Variants in COL12A1 observed in about 807,000 individuals in gnomAD.
COL12A1 encodes the protein collagen alpha-1(XII) chain.
In COL12A1, 114 loss-of-function variants were observed where a neutral mutation model predicts 349.7. The observed-to-expected ratio is 0.33, with a 90% CI of 0.28 to 0.38. COL12A1 has a LOEUF of 0.38. COL12A1 is among the 10% of genes least tolerant of loss of function. COL12A1 has a pLI of 1.00. For missense variants in COL12A1, 3,284 were observed against 3,756.9 expected (o/e 0.87, Z 3.29); for synonymous variants, 1,369 against 1,329.0 (o/e 1.03, Z -0.66).
chr6:75,152,420 T>A lies in COL12A1; in HGVS notation c.3628A>T (p.Ile1210Phe), dbSNP rs1168774808. ...ACGGTTCTAAAATTTGCCCGGCCGATGCTCCATGATCCATCCACCAGCAAC... is the reference window on the plus strand; with the variant it reads ...ACGGTTCTAAAATTTGCCCGGCCGAAGCTCCATGATCCATCCACCAGCAAC... Reference protein sequence around the residue: ...IVLLVDGSWSIGRANFRTVRS... With the variant: ...IVLLVDGSWSFGRANFRTVRS... The change falls in exon 18 of 66, where the codon ATC becomes TTC. Residue 1210 changes from isoleucine (I) to phenylalanine (F), a missense_variant. Transcript: ENST00000322507. The A allele has an allele frequency of 1.2e-6, 2 of 1,613,546 alleles. No individual in the cohort carries two copies. Among genetic ancestry groups the A allele is most frequent in the African/African-American group, 2.7e-5 (2 of 74,888 alleles).
intron 13 of COL12A1, among the ~76,000 whole-genome samples, chr6:75,172,555 AACCT>A (rs1349712632): frequency 6.6e-6 from 1 of 152,230 alleles, no homozygotes; most frequent in Non-Finnish European, 1.5e-5. Context: ...TCTTATGAAC[AACCT>A]ATGCTAAAAG....
intron 16 of COL12A1, among the ~76,000 whole-genome samples, 162 bp downstream of exon 16, chr6:75,155,500 G>A (rs1767707132): frequency 6.6e-6 from 1 of 152,080 alleles, no homozygotes; most frequent in South Asian, 2.1e-4. Flanking sequence ...TTCAACTCCA[G>A]CAGCACCAAG....
chr6:75,182,604 A>G (rs543476129), intron 10 of COL12A1, among the ~76,000 whole-genome samples: 1 of 152,218 alleles, frequency 6.6e-6, no homozygotes, highest in Non-Finnish European at 1.5e-5. Flanking sequence ...AAAATTCCAG[A>G]TGTGACAAAT....
intron 2 of COL12A1, among the ~76,000 whole-genome samples, chr6:75,199,017 A>G (rs2149488432): frequency 6.6e-6 from 1 of 152,364 alleles, no homozygotes; most frequent in East Asian, 1.9e-4. Flanking sequence ...ATGATATAGA[A>G]ATCCATTTCA....
intron 13 of COL12A1, among the ~76,000 whole-genome samples, chr6:75,174,433 G>A (rs533912480): frequency 1.2e-4 from 18 of 152,276 alleles, no homozygotes; most frequent in African/African-American, 3.6e-4. Context: ...GCGGGCGCCT[G>A]TAGTCCCAGC....
intron 40 of COL12A1, 138 bp from the exon 41 acceptor site, chr6:75,124,509 T>C (rs976442609): frequency 1.2e-5 from 7 of 576,506 alleles, no homozygotes; most frequent in Non-Finnish European, 2.1e-5. Context: ...ATAAGAAACA[T>C]ACATGAATCA....
intron 12 of COL12A1, among the ~76,000 whole-genome samples, chr6:75,176,395 G>T (rs1768955153): frequency 6.7e-6 from 1 of 149,968 alleles, no homozygotes; most frequent in African/African-American, 2.5e-5. Context: ...GCAGTGGGAG[G>T]TGGGAGAGTG....
Position 75,181,217 on chromosome 6 carries a change from TAAA to T in COL12A1, c.1892-9_1892-7del, listed in dbSNP as rs11347601. 7.9e-7 allele frequency: 1 copy of T among 1,259,658 alleles called. No individual in the cohort carries two copies. The highest frequency in any genetic ancestry group is 1.1e-6 in the Non-Finnish European group (1 of 915,706). The allele number at this position is 1,259,658 out of a possible 1,614,324, so 78.0% of individuals were successfully genotyped here. A position where few individuals can be genotyped will look rare whatever the true frequency, so the allele number is the denominator to read the frequency against. ...ATCCTTTGGAGGGACGTAAGCTATT[TAAA>T]AAAAAAAAAAGACAGTTAAAAATGC... On this transcript the variant is annotated splice_polypyrimidine_tract_variant and splice_region_variant and intron_variant, in intron 10 of 65. Transcript: ENST00000322507.
Position 75,154,496 on chromosome 6 carries a change from T to C in COL12A1, c.3485A>G (p.Asp1162Gly), listed in dbSNP as rs770692332. 1 of 1,609,898 alleles carries C rather than the reference T, an allele frequency of 6.2e-7. No individual in the cohort carries two copies. The highest frequency in any genetic ancestry group is 1.7e-5 in the Admixed American group (1 of 59,692). ...AACAAGTGGTGAGCTTTCTCCTCCATCAAACATTCCAAAAACATTTACTTT... is the reference window on the plus strand; with the variant it reads ...AACAAGTGGTGAGCTTTCTCCTCCACCAAACATTCCAAAAACATTTACTTT... Reference protein sequence around the residue: ...TYKVNVFGMFDGGESSPLVGQ... With the variant: ...TYKVNVFGMFGGGESSPLVGQ... Residue 1162 changes from aspartate (D) to glycine (G), a missense_variant, in exon 17 of 66, where the codon GAT becomes GGT. Physicochemically the swap from Asp to Gly is moderately conservative, Grantham distance 94. Around this residue, in one of 2 missense-constraint regions of COL12A1, gnomAD observed 2,601 missense variants for 2,824.8 expected, o/e 0.92. Transcript: ENST00000322507.
chr6:75,088,924 C>T (rs891496320), intron 64 of COL12A1, among the ~76,000 whole-genome samples, 182 bp downstream of exon 64: 1 of 151,992 alleles, frequency 6.6e-6, no homozygotes, highest in Non-Finnish European at 1.5e-5. Flanking sequence ...TGGCGTGAAC[C>T]CAGGAGGTGG....
intron 30 of COL12A1, among the ~76,000 whole-genome samples, chr6:75,137,796 C>A (rs1342515617): frequency 6.6e-6 from 1 of 152,098 alleles, no homozygotes; most frequent in Non-Finnish European, 1.5e-5. Context: ...GAAGTTCCAA[C>A]TTCCAATATG....
intron 13 of COL12A1, among the ~76,000 whole-genome samples, chr6:75,167,971 CTGAG>C (rs1386559953): frequency 6.6e-6 from 1 of 152,150 alleles, no homozygotes; most frequent in East Asian, 1.9e-4. Context: ...TGAGTGAACA[CTGAG>C]TAAGTTCTCA....
chr6:75,111,489 T>C (rs1261381129), intron 51 of COL12A1, among the ~76,000 whole-genome samples: 1 of 151,874 alleles, frequency 6.6e-6, no homozygotes, highest in Non-Finnish European at 1.5e-5. Flanking sequence ...TCCATGACAG[T>C]TGGAAATTTT....
At chr6:75,163,385 G>A (rs1298156124) in intron 14 of COL12A1, among the ~76,000 whole-genome samples, 10 of 151,980 alleles carry the variant, frequency 6.6e-5, no homozygotes, top group South Asian at 2.1e-4. Context: ...TGTTGAAAAC[G>A]AACATTCTCA....
In COL12A1 at chr6:75,145,396, C is replaced by G. The variant is rs367865394; in HGVS notation, c.4620G>C (p.Glu1540Asp). ...GGACAGCCTGGACTGTGACTGCATA[C>G]TCCGTGTTGGGAACAAGGTCAGTCA... Reference protein sequence around the residue: ...MQLTDLVPNTEYAVTVQAVLH... With the variant: ...MQLTDLVPNTDYAVTVQAVLH... Residue 1540 changes from glutamate (E) to aspartate (D), a missense_variant, in exon 25 of 66, where the codon GAG becomes GAC. Glu to Asp is a conservative substitution (Grantham distance 45). Coordinates refer to ENST00000322507, the MANE Select transcript of COL12A1 (RefSeq NM_004370.6). 1 of 1,614,032 alleles carries G rather than the reference C, an allele frequency of 6.2e-7. No homozygotes were observed. Among genetic ancestry groups the G allele is most frequent in the South Asian group, 1.1e-5 (1 of 91,070 alleles).
Position 75,108,381 on chromosome 6 carries a change from C to T in COL12A1, c.8100+637G>A, listed in dbSNP as rs376522562. ...GGGATTATAGGCATGAGCAATGGTG[C>T]CTGGCTTTGATTGACATTTAATATG... On this transcript the variant is annotated intron_variant, in intron 52 of 65. Coordinates refer to ENST00000322507, the MANE Select transcript of COL12A1 (RefSeq NM_004370.6). Among the ~76,000 whole-genome samples the T allele has an allele frequency of 3.9e-5, 6 of 152,030 alleles. No homozygotes were observed. In the South Asian group the frequency reaches 1.2e-3, roughly 32 times the overall value.
intron 54 of COL12A1, among the ~76,000 whole-genome samples, 176 bp downstream of exon 54, chr6:75,105,030 C>T (rs1020116608): frequency 6.6e-6 from 1 of 152,138 alleles, no homozygotes; most frequent in Non-Finnish European, 1.5e-5. Context: ...ATATTCTTCC[C>T]GATTTACTCC....
chr6:75,134,702 T>C (rs767050513), intron 32 of COL12A1, 24 bp downstream of exon 32: 2 of 1,580,070 alleles, frequency 1.3e-6, no homozygotes, highest in Non-Finnish European at 1.7e-6. Flanking sequence ...TTAAAGAAGC[T>C]ATAGGAACTC....
At chr6:75,095,389 G>A (rs1263744595) in intron 59 of COL12A1, among the ~76,000 whole-genome samples, 2 of 151,798 alleles carry the variant, frequency 1.3e-5, no homozygotes, top group Non-Finnish European at 2.9e-5. Flanking sequence ...AGGCCGAGGC[G>A]GGTGGATCAT....
Sources: allele counts gnomAD v4.1 joint callset (sites outside exome capture counted in the v4.1 genomes callset), GRCh38; gene constraint gnomAD v4.1.1; regional missense constraint gnomAD v4.1.1; transcripts MANE v1.5; gene names NCBI Gene and HGNC (gene_info 2026-07-23, HGNC 2026-07-21).